Variants in SH3GL3 observed in about 807,000 individuals in gnomAD.
SH3GL3 encodes endophilin-A3.
A neutral mutation model predicts 47.7 loss-of-function variants in SH3GL3; 33 were observed. The observed-to-expected ratio is 0.69, with a 90% confidence interval of 0.52 to 0.92. The LOEUF (loss-of-function observed/expected upper bound fraction) is 0.92, where lower values mean the gene tolerates loss of function less well. SH3GL3 is among the 40% of genes least tolerant of loss of function. The pLI is 0.00. For synonymous variants in SH3GL3, 155 were observed against 148.8 expected (o/e 1.04, Z -0.30); for missense variants, 363 against 417.8 (o/e 0.87, Z 1.14).
intron 1 of SH3GL3, among the ~76,000 whole-genome samples, chr15:83,492,308 G>A (rs1281553560): frequency 1.3e-5 from 2 of 149,050 alleles, no homozygotes; most frequent in Admixed American, 6.7e-5. Context: ...AAAAAAGGAA[G>A]GTATGGACGA....
intron 5 of SH3GL3, among the ~76,000 whole-genome samples, chr15:83,575,649 G>A (rs990225006): frequency 2.6e-5 from 4 of 152,194 alleles, no homozygotes; most frequent in African/African-American, 9.7e-5. Flanking sequence ...AAGTCACAGA[G>A]CAAAGAGAGA....
Position 83,523,383 on chromosome 15 carries a change from G to T in SH3GL3, c.46-35870G>T, listed in dbSNP as rs78144781. Among the ~76,000 whole-genome samples, 791 of 152,290 alleles carry T rather than the reference G, an allele frequency of 5.2e-3. 17 individuals carry two copies. The highest frequency in any genetic ancestry group is 0.036 in the Admixed American group (545 of 15,300). On this transcript the variant is annotated intron_variant, in intron 1 of 8. Transcript: ENST00000427482. ...CTGTGGGAGAGTTTGCCTAGGAAGT[G>T]GTGCGGGGTGGGCTGCCCGGGAAGG...
At chr15:83,449,833 A>G (rs1007555175) in intron 1 of SH3GL3, among the ~76,000 whole-genome samples, 2 of 151,880 alleles carry the variant, frequency 1.3e-5, no homozygotes, top group African/African-American at 4.8e-5. Context: ...TACTCAGTAG[A>G]TATGTTTTAA....
rs1176477946 is a variant in SH3GL3, at chr15:83,470,565, T to C, written c.45+22987T>C. Among the ~76,000 whole-genome samples, 3 of 152,224 alleles carry C rather than the reference T, an allele frequency of 2.0e-5. No individual in the cohort carries two copies. In the East Asian group the frequency reaches 5.8e-4, roughly 29 times the overall value. ...TTATAGACAGCATATAGTTAGGTTA[T>C]GCTTTTTAATCTACTCTACCTGTCT... On this transcript the variant is annotated intron_variant, in intron 1 of 8. Transcript: ENST00000427482.
At chr15:83,617,400 T>C (rs2060851893) in intron 8 of SH3GL3, among the ~76,000 whole-genome samples, 1 of 151,938 alleles carries the variant, frequency 6.6e-6, no homozygotes, top group East Asian at 1.9e-4. Flanking sequence ...TTTTTGGCCA[T>C]GCACAGTGGA....
chr15:83,478,086 A>G (rs967585617), intron 1 of SH3GL3, among the ~76,000 whole-genome samples: 3 of 152,088 alleles, frequency 2.0e-5, no homozygotes, highest in Admixed American at 2.0e-4. Context: ...GGGAATGAAC[A>G]GACAGTGAGG....
chr15:83,466,426 A>ATATATATG (rs2040571384), intron 1 of SH3GL3, among the ~76,000 whole-genome samples: 2 of 152,034 alleles, frequency 1.3e-5, no homozygotes, highest in South Asian at 4.2e-4. Flanking sequence ...ATATATATAT[A>ATATATATG]TATGGGGAAA....
At chr15:83,512,249 A>G (rs550811885) in intron 1 of SH3GL3, among the ~76,000 whole-genome samples, 5 of 152,264 alleles carry the variant, frequency 3.3e-5, no homozygotes, top group African/African-American at 1.2e-4. Context: ...TGTAACACAG[A>G]TGCATTGCCA....
At position 83,569,763 on chromosome 15, in the gene SH3GL3, G is replaced by A. The variant is rs376023191; in HGVS notation, c.331+1091G>A. On this transcript the variant is annotated intron_variant, in intron 4 of 8. Coordinates refer to ENST00000427482, the MANE Select transcript of SH3GL3 (RefSeq NM_003027.5). ...ATTGCTGTTTTAACTCCATCTTTTGGATCACGTGTGAGGTGGAATTTTTAT... is the reference window on the plus strand; with the variant it reads ...ATTGCTGTTTTAACTCCATCTTTTGAATCACGTGTGAGGTGGAATTTTTAT... Among the ~76,000 whole-genome samples the A allele has an allele frequency of 6.6e-5, 10 of 152,100 alleles. No individual in the cohort carries two copies. In the East Asian group the frequency reaches 1.9e-3, roughly 29 times the overall value.
downstream of SH3GL3, among the ~76,000 whole-genome samples, chr15:83,622,791 C>G (rs1425991719): frequency 1.3e-5 from 2 of 152,232 alleles, no homozygotes; most frequent in African/African-American, 2.4e-5. Context: ...CCACTGTCTT[C>G]CCTTCACCTG....
chr15:83,541,310 C>CAATTTTTTTT (rs1567318555), intron 1 of SH3GL3, among the ~76,000 whole-genome samples: 12 of 47,806 alleles, frequency 2.5e-4, no homozygotes, highest in African/African-American at 7.8e-4. Context: ...TATGGTAATT[C>CAATTTTTTTT]TATTTTTTTT....
At chr15:83,513,579 G>C (rs1326083925) in intron 1 of SH3GL3, among the ~76,000 whole-genome samples, 1 of 152,106 alleles carries the variant, frequency 6.6e-6, no homozygotes, top group Non-Finnish European at 1.5e-5. Flanking sequence ...CCTTCCTTTA[G>C]AAAGTCTTTT....
At chr15:83,567,178 G>A (rs2562769) in intron 3 of SH3GL3, among the ~76,000 whole-genome samples, 4 of 151,864 alleles carry the variant, frequency 2.6e-5, no homozygotes, top group Middle Eastern at 3.4e-3. Context: ...TGTATTAATA[G>A]CATTTTAGGT....
chr15:83,459,712 A>G (rs375388676), intron 1 of SH3GL3, among the ~76,000 whole-genome samples: 1 of 152,184 alleles, frequency 6.6e-6, no homozygotes. Flanking sequence ...TGCCTTCTTC[A>G]TTTAAAATGA....
At chr15:83,588,550 T>C in intron 7 of SH3GL3, 112 bp from the exon 8 acceptor site, 1 of 693,620 alleles carries the variant, frequency 1.4e-6, no homozygotes, top group Non-Finnish European at 2.6e-6. Context: ...ATCGTCCCTT[T>C]CATGACCACT....
chr15:83,528,195 T>C (rs2043509255), intron 1 of SH3GL3, among the ~76,000 whole-genome samples: 1 of 152,214 alleles, frequency 6.6e-6, no homozygotes, highest in Non-Finnish European at 1.5e-5. Flanking sequence ...AGTTCCCTTA[T>C]GTGACTAGAT....
intron 6 of SH3GL3, among the ~76,000 whole-genome samples, chr15:83,582,376 T>C (rs2059852548): frequency 6.6e-6 from 1 of 152,180 alleles, no homozygotes; most frequent in Admixed American, 6.5e-5. Context: ...AGATTCCAGA[T>C]TCCTGAGGTC....
the SH3GL3 span, among the ~76,000 whole-genome samples, chr15:83,630,997 C>A: frequency 1.3e-5 from 2 of 152,310 alleles, no homozygotes; most frequent in African/African-American, 4.8e-5. Flanking sequence ...AAGTTAGTTA[C>A]TTCCTAGTAA....
rs189044153 is a variant in SH3GL3, at chr15:83,496,301, A to G, written c.45+48723A>G. Among the ~76,000 whole-genome samples, 18 of 150,718 alleles carry G rather than the reference A, an allele frequency of 1.2e-4. No individual in the cohort carries two copies. The East Asian group carries it at 2.0e-3, about 16-fold the overall frequency. On this transcript the variant is annotated intron_variant, in intron 1 of 8. Coordinates refer to ENST00000427482, the MANE Select transcript of SH3GL3 (RefSeq NM_003027.5). Reference sequence around the variant, plus strand: ...TTGAACCCAGGAAGTGGAGGTTGCAATGAGCTGAGATTGTGCCACTGCACT... The same window carrying G: ...TTGAACCCAGGAAGTGGAGGTTGCAGTGAGCTGAGATTGTGCCACTGCACT...
Sources: allele counts gnomAD v4.1 joint callset (sites outside exome capture counted in the v4.1 genomes callset), GRCh38; gene constraint gnomAD v4.1.1; transcripts MANE v1.5; gene names NCBI Gene and HGNC (gene_info 2026-07-23, HGNC 2026-07-21).